The following KCNQ1 variants were observed in gnomAD, a reference collection of about 807,000 sequenced individuals.
KCNQ1 encodes the protein potassium voltage-gated channel subfamily KQT member 1.
Under a neutral mutation model 72.4 loss-of-function variants are expected in KCNQ1, and 49 were observed. The observed-to-expected ratio is 0.68, with a 90% CI of 0.54 to 0.86. KCNQ1 has a LOEUF of 0.86. Among genes scored for constraint, KCNQ1 ranks in the 40% least tolerant of loss-of-function variants. KCNQ1 has a pLI of 0.00. For synonymous variants in KCNQ1, 450 were observed against 412.6 expected, an observed-to-expected ratio of 1.09 and a Z score of -1.10; for missense variants, 790 against 945.1, an observed-to-expected ratio of 0.84 and a Z score of 2.15.
rs1257896279 is a variant in KCNQ1 at position 2,818,976 on chromosome 11, A to C, written c.1795-28791A>C. Reference sequence around the variant, plus strand: ...CATTACCCAGCCCCACAGGACCCACATCCTGCTCCCAGCTCCAGCCTGAAA... The same window carrying C: ...CATTACCCAGCCCCACAGGACCCACCTCCTGCTCCCAGCTCCAGCCTGAAA... On this transcript the variant is annotated intron_variant, in intron 15 of 15. Transcript: ENST00000155840. This position sits in a 1 kb window ranked among gnomAD's most constrained non-coding sequence, Gnocchi z 7.2. Among the ~76,000 whole-genome samples, 4 of 151,982 alleles carry C rather than the reference A, an allele frequency of 2.6e-5. No individual in the cohort carries two copies. Among genetic ancestry groups the C allele is most frequent in the Non-Finnish European group, 4.4e-5 (3 of 67,996 alleles).
At chr11:2,753,818 C>T (rs1465850169) in intron 11 of KCNQ1, among the ~76,000 whole-genome samples, 1 of 152,162 alleles carries the variant, frequency 6.6e-6, no homozygotes, top group Non-Finnish European at 1.5e-5. Flanking sequence ...TGAGAAACTT[C>T]CCAGCTTCCC....
rs1480216506 is a variant in KCNQ1 at position 2,783,433 on chromosome 11, G to A, written c.1794+5396G>A. Among the ~76,000 whole-genome samples, 1 of 152,066 alleles carries A rather than the reference G, an allele frequency of 6.6e-6. No individual in the cohort carries two copies. The highest frequency in any genetic ancestry group is 1.5e-5 in the Non-Finnish European group (1 of 67,920). ...AAGGTATATTCTGACATTGTTGGGT[G>A]CAGTGTTATGTTCATATCCACTGGA... On this transcript the variant is annotated intron_variant, in intron 15 of 15. Coordinates refer to ENST00000155840, the MANE Select transcript of KCNQ1 (RefSeq NM_000218.3). This position sits in a 1 kb window ranked among gnomAD's most constrained non-coding sequence, Gnocchi z 5.2.
chr11:2,728,317 A>G (rs900265630), intron 11 of KCNQ1, among the ~76,000 whole-genome samples: 30 of 152,232 alleles, frequency 2.0e-4, no homozygotes, highest in Non-Finnish European at 7.3e-5. Context: ...GGCCAGGGCC[A>G]GGACTCTTGT....
Position 2,544,175 on chromosome 11 carries a change from T to C in KCNQ1, c.477+16157T>C, listed in dbSNP as rs1847864953. Among the ~76,000 whole-genome samples the C allele has an allele frequency of 6.6e-6, 1 of 151,962 alleles. No homozygotes were observed. Among genetic ancestry groups the C allele is most frequent in the Non-Finnish European group, 1.5e-5 (1 of 67,996 alleles). ...AACCTAAAGATCAACATGGGGAGAA[T>C]TGATGTCTTAACCAATATTGAATCC... On this transcript the variant is annotated intron_variant, in intron 2 of 15. Transcript: ENST00000155840. This position sits in a 1 kb window ranked among gnomAD's most constrained non-coding sequence, Gnocchi z 4.4.
chr11:2,669,060 C>T lies in KCNQ1; in HGVS notation c.1514+6979C>T, dbSNP rs1034854356. 2.8e-5 allele frequency: 11 copies of T among 398,586 alleles called. No homozygotes were observed. Among genetic ancestry groups the T allele is most frequent in the Non-Finnish European group, 4.9e-5 (11 of 226,120 alleles). The allele number at this position is 398,586 out of a possible 1,614,324, so 24.7% of individuals were successfully genotyped here. ...CCCGGCATGGGAAGGCCCGTCCTCT[C>T]CCAACTACCCTGCCGTATCAGTGTC... On this transcript the variant is annotated intron_variant, in intron 11 of 15. Transcript: ENST00000155840. This position sits in a 1 kb window ranked among gnomAD's most constrained non-coding sequence, Gnocchi z 5.6.
intron 15 of KCNQ1, among the ~76,000 whole-genome samples, chr11:2,794,909 G>A (rs1847100335): frequency 1.3e-5 from 2 of 152,186 alleles, no homozygotes; most frequent in Admixed American, 6.5e-5. Context: ...CACCAGTGGG[G>A]ACCAATGTAC....
At chr11:2,453,536 C>G (rs1255657448) in intron 1 of KCNQ1, among the ~76,000 whole-genome samples, 2 of 152,188 alleles carry the variant, frequency 1.3e-5, no homozygotes, top group East Asian at 3.8e-4. Context: ...GGACAGTGAC[C>G]CACAGGGGGA....
At position 2,661,418 on chromosome 11, in the gene KCNQ1, G is replaced by C. The variant is rs759259424; in HGVS notation, c.1394-543G>C. 3 of 415,038 alleles carry C rather than the reference G, an allele frequency of 7.2e-6. No individual in the cohort carries two copies. Among genetic ancestry groups the C allele is most frequent in the Non-Finnish European group, 1.3e-5 (3 of 235,076 alleles). 25.7% of individuals were successfully genotyped at this position (415,038 alleles called of 1,614,324 possible). ...TTGGAGGGACTCCTGTGCCTCATTG[G>C]GGGTACAACTGGTTGATGTAGCATC... is the stretch of plus-strand genomic sequence containing the variant. On this transcript the variant is annotated intron_variant, in intron 10 of 15. Coordinates refer to ENST00000155840, the MANE Select transcript of KCNQ1 (RefSeq NM_000218.3). The surrounding 1 kb of genome is among the most constrained non-coding windows in gnomAD (Gnocchi z 5.9).
rs968829355 is a variant in KCNQ1 at position 2,673,381 on chromosome 11, C to G, written c.1514+11300C>G. 2 of 398,580 alleles carry G rather than the reference C, an allele frequency of 5.0e-6. No individual in the cohort carries two copies. Among genetic ancestry groups the G allele is most frequent in the African/African-American group, 4.1e-5 (2 of 48,656 alleles). The allele number at this position is 398,580 out of a possible 1,614,324, so 24.7% of individuals were successfully genotyped here. ...AGGGAAGTGACAGAGCAGAGCTCCC[C>G]TTGGCCTTTGTTTAGCCCACCTTCT... On this transcript the variant is annotated intron_variant, in intron 11 of 15. Transcript: ENST00000155840. The surrounding 1 kb of genome is among the most constrained non-coding windows in gnomAD (Gnocchi z 4.5).
chr11:2,821,333 T>G (rs988081129), intron 15 of KCNQ1, among the ~76,000 whole-genome samples: 26 of 151,994 alleles, frequency 1.7e-4, no homozygotes, highest in Admixed American at 3.3e-4. Context: ...CTGGCAAGGG[T>G]TGGGGAATAT....
At chr11:2,466,080 G>A (rs1352549064) in intron 1 of KCNQ1, among the ~76,000 whole-genome samples, 1 of 152,232 alleles carries the variant, frequency 6.6e-6, no homozygotes, top group East Asian at 1.9e-4. Flanking sequence ...GCCGGGACCT[G>A]CCCATCCACC....
intron 15 of KCNQ1, among the ~76,000 whole-genome samples, chr11:2,790,265 C>T (rs1846995409): frequency 6.6e-6 from 1 of 152,204 alleles, no homozygotes; most frequent in Non-Finnish European, 1.5e-5. Context: ...ACACTGTCCC[C>T]ACTCGGTGAC....
rs1845938026 is a variant in KCNQ1 at position 2,735,304 on chromosome 11, G to A, written c.1515-33540G>A. 6.6e-6 allele frequency among the ~76,000 whole-genome samples: 1 copy of A among 152,098 alleles called. No individual in the cohort carries two copies. ...GGCCAGAGATGCCTGGGGCCCTGGG[G>A]TGGGAGGTGGGGACAGGCTAATGGC... On this transcript the variant is annotated intron_variant, in intron 11 of 15. Coordinates refer to ENST00000155840, the MANE Select transcript of KCNQ1 (RefSeq NM_000218.3). This position sits in a 1 kb window ranked among gnomAD's most constrained non-coding sequence, Gnocchi z 7.7.
chr11:2,675,964 G>A (rs1047839967), intron 11 of KCNQ1: 10 of 398,492 alleles, frequency 2.5e-5, no homozygotes, highest in African/African-American at 6.2e-5. Flanking sequence ...AGTACAAAAG[G>A]GGTGAAAAAT....
At chr11:2,758,764 G>C (rs1043474987) in intron 11 of KCNQ1, among the ~76,000 whole-genome samples, 2 of 152,160 alleles carry the variant, frequency 1.3e-5, no homozygotes, top group Non-Finnish European at 2.9e-5. Context: ...CGGATCTTAC[G>C]GGAATTGTGC....
chr11:2,472,237 G>T (rs1158559223), intron 1 of KCNQ1, among the ~76,000 whole-genome samples: 1 of 151,416 alleles, frequency 6.6e-6, no homozygotes, highest in Non-Finnish European at 1.5e-5. Context: ...ATGTATATAT[G>T]GGTGTGTGTG....
At chr11:2,665,174 C>T (rs1235349035) in intron 11 of KCNQ1, 1 of 398,646 alleles carries the variant, frequency 2.5e-6, no homozygotes, top group African/African-American at 2.1e-5. Flanking sequence ...TCTGGGCGGC[C>T]AGGACTCAGC....
rs1312961761 is a variant in KCNQ1 at position 2,715,831 on chromosome 11, TA to T, written c.1515-53010del. On this transcript the variant is annotated intron_variant, in intron 11 of 15. Transcript: ENST00000155840. This position sits in a 1 kb window ranked among gnomAD's most constrained non-coding sequence, Gnocchi z 4.9. ...ACATCCCCGCAGCCTTGCGCTGGTCTAAATGCCTCCCAGCCTCCTGAGGTTG... is the reference window on the plus strand; with the variant it reads ...ACATCCCCGCAGCCTTGCGCTGGTCTAATGCCTCCCAGCCTCCTGAGGTTG... Among the ~76,000 whole-genome samples the T allele has an allele frequency of 6.6e-5, 10 of 152,238 alleles. No individual in the cohort carries two copies. Among genetic ancestry groups the T allele is most frequent in the Non-Finnish European group, 8.8e-5 (6 of 68,034 alleles).
Position 2,538,237 on chromosome 11 carries a change from G to A in KCNQ1, c.477+10219G>A, listed in dbSNP as rs1018796798. Among the ~76,000 whole-genome samples, 5 of 152,156 alleles carry A rather than the reference G, an allele frequency of 3.3e-5. No homozygotes were observed. The highest frequency in any genetic ancestry group is 1.9e-4 in the East Asian group (1 of 5,184). ...TTCTCATTGCACATGGCTGTCACGCGGTTTCAGCTTCTTTGACCTGGAGCA... is the reference window on the plus strand; with the variant it reads ...TTCTCATTGCACATGGCTGTCACGCAGTTTCAGCTTCTTTGACCTGGAGCA... On this transcript the variant is annotated intron_variant, in intron 2 of 15. Transcript: ENST00000155840. This position sits in a 1 kb window ranked among gnomAD's most constrained non-coding sequence, Gnocchi z 6.7.
Sources: allele counts gnomAD v4.1 joint callset (sites outside exome capture counted in the v4.1 genomes callset), GRCh38; gene constraint gnomAD v4.1.1; non-coding constraint Gnocchi (gnomAD v3.1); transcripts MANE v1.5; gene names NCBI Gene and HGNC (gene_info 2026-07-23, HGNC 2026-07-21).